Variants in MYRFL observed in about 807,000 individuals in gnomAD.
MYRFL encodes myelin regulatory factor-like protein.
MYRFL carries 88 observed loss-of-function variants against 109.4 expected under a neutral mutation model. That is an observed-to-expected ratio of 0.80 (90% confidence interval 0.68 to 0.96). MYRFL has a LOEUF of 0.96. Among genes scored for constraint, MYRFL ranks in the 40% least tolerant of loss-of-function variants. MYRFL has a pLI of 0.00. For missense variants in MYRFL, 957 were observed against 954.9 expected (o/e 1.00, Z -0.03); for synonymous variants, 324 against 320.9 (o/e 1.01, Z -0.10).
chr12:69,873,128 A>G (rs1440191690), intron 2 of MYRFL, among the ~76,000 whole-genome samples: 1 of 152,208 alleles, frequency 6.6e-6, no homozygotes. Context: ...ATAGAAGATT[A>G]ATTCTTACAG....
At chr12:69,948,176 T>A (rs978253116) in intron 19 of MYRFL, among the ~76,000 whole-genome samples, 2 of 152,186 alleles carry the variant, frequency 1.3e-5, no homozygotes, top group Non-Finnish European at 2.9e-5. Flanking sequence ...ATGGGTTTCT[T>A]ATAACCAGCC....
chr12:69,902,562 G>A (rs1399235398), intron 10 of MYRFL, among the ~76,000 whole-genome samples: 1 of 152,018 alleles, frequency 6.6e-6, no homozygotes, highest in Admixed American at 6.6e-5. Context: ...CACCAGAAAG[G>A]TAAAAAGTCA....
intron 9 of MYRFL, 116 bp from the exon 10 acceptor site, chr12:69,897,036 TTAAA>T (rs1954019172): frequency 8.3e-6 from 6 of 724,176 alleles, no homozygotes; most frequent in Non-Finnish European, 1.4e-5. Flanking sequence ...AAGGCAGTCT[TTAAA>T]TAAGCAAACT....
At chr12:69,936,892 A>T (rs116241136) in intron 19 of MYRFL, among the ~76,000 whole-genome samples, 1 of 152,368 alleles carries the variant, frequency 6.6e-6, no homozygotes, top group African/African-American at 2.4e-5. Flanking sequence ...ATTGCCAACA[A>T]GGATAGTAAT....
rs759537054 is a variant in MYRFL, at chr12:69,891,037, TG to T, written c.775del (p.Val259PhefsTer10). ...FNFSPADEAF[V>X]CQKKNHFQIT... ...ATTTTTCACCAGCAGATGAAGCTTT[TG>T]TTTGCCAAAAGAAGAATCATTTCCA... is the stretch of plus-strand genomic sequence containing the variant. On this transcript the variant is annotated frameshift_variant, in exon 7 of 25. Coordinates refer to ENST00000552032, the MANE Select transcript of MYRFL (RefSeq NM_182530.3). LOFTEE classifies it high-confidence loss of function. 6.5e-7 allele frequency: 1 copy of T among 1,535,300 alleles called. No individual in the cohort carries two copies.
At chr12:69,954,930 G>A (rs959515960) in intron 21 of MYRFL, among the ~76,000 whole-genome samples, 1 of 152,114 alleles carries the variant, frequency 6.6e-6, no homozygotes, top group Non-Finnish European at 1.5e-5. Flanking sequence ...TCCTCCTAGT[G>A]TTGCTCAAAA....
intron 1 of MYRFL, among the ~76,000 whole-genome samples, chr12:69,827,344 T>C (rs1882347511): frequency 6.8e-6 from 1 of 147,694 alleles, no homozygotes; most frequent in South Asian, 2.1e-4. Context: ...ATGATCTTAG[T>C]TTTTTTTTTT....
Position 69,862,917 on chromosome 12 carries a change from A to T in MYRFL, c.137+7547A>T, listed in dbSNP as rs1384095913. Among the ~76,000 whole-genome samples the T allele has an allele frequency of 7.9e-5, 12 of 152,174 alleles. No individual in the cohort carries two copies. The East Asian group carries it at 2.3e-3, about 29-fold the overall frequency. ...TAGATAGCTGTTATTATTTTGAGAT[A>T]GGTCCCATCAATACCTAATTTATTG... On this transcript the variant is annotated intron_variant, in intron 2 of 24. Transcript: ENST00000552032.
chr12:69,926,736 T>A lies in MYRFL; in HGVS notation c.1766+2T>A. ...AGCCAGTGAAGCAAGCACAATCAGG[T>A]ACGTGCAGCCAGGATTGCCATAGAA... On this transcript the variant is annotated splice_donor_variant, in intron 14 of 24. Coordinates refer to ENST00000552032, the MANE Select transcript of MYRFL (RefSeq NM_182530.3). LOFTEE classifies it high-confidence loss of function. The A allele has an allele frequency of 6.8e-7, 1 of 1,468,218 alleles. No individual in the cohort carries two copies. Among genetic ancestry groups the A allele is most frequent in the Non-Finnish European group, 9.0e-7 (1 of 1,110,562 alleles). The allele number at this position is 1,468,218 out of a possible 1,614,324, so 90.9% of individuals were successfully genotyped here.
chr12:69,918,421 AC>A (rs1458889305), intron 13 of MYRFL, among the ~76,000 whole-genome samples: 9 of 152,236 alleles, frequency 5.9e-5, no homozygotes, highest in Admixed American at 5.9e-4. Context: ...TGGGGCAAGC[AC>A]AGTGTCAAGT....
chr12:69,889,915 G>T (rs886646046), intron 6 of MYRFL, among the ~76,000 whole-genome samples: 5 of 151,978 alleles, frequency 3.3e-5, no homozygotes, highest in Admixed American at 2.0e-4. Context: ...GATTTGGGAT[G>T]CTCAATTTAT....
intron 19 of MYRFL, 84 bp downstream of exon 19, chr12:69,936,716 T>G: frequency 8.1e-7 from 1 of 1,241,354 alleles, no homozygotes; most frequent in Non-Finnish European, 1.1e-6. Context: ...TGGTCATTAA[T>G]GGTTCCAGAT....
At chr12:69,923,998 G>T (rs1166683040) in intron 13 of MYRFL, among the ~76,000 whole-genome samples, 1 of 151,918 alleles carries the variant, frequency 6.6e-6, no homozygotes, top group Non-Finnish European at 1.5e-5. Context: ...GACCATCCTG[G>T]CTAACACAGT....
chr12:69,832,088 G>A (rs185160832), intron 1 of MYRFL, among the ~76,000 whole-genome samples: 61 of 152,152 alleles, frequency 4.0e-4, no homozygotes, highest in African/African-American at 1.4e-3. Context: ...GACAGTGGTG[G>A]GTAAAACTAG....
rs1357669070 is a variant in MYRFL at position 69,938,391 on chromosome 12, C to A, written c.2224+1759C>A. ...GAATAGGAAGAGGTCGTAGACTGGT[C>A]CACTCTTCATTTTCAAGGGTTTCTT... On this transcript the variant is annotated intron_variant, in intron 19 of 24. Coordinates refer to ENST00000552032, the MANE Select transcript of MYRFL (RefSeq NM_182530.3). 2.6e-5 allele frequency among the ~76,000 whole-genome samples: 4 copies of A among 152,088 alleles called. No homozygotes were observed. In the East Asian group the frequency reaches 7.7e-4, roughly 29 times the overall value.
intron 2 of MYRFL, among the ~76,000 whole-genome samples, chr12:69,870,887 G>A (rs964006863): frequency 4.6e-5 from 7 of 152,174 alleles, no homozygotes; most frequent in Admixed American, 2.0e-4. Flanking sequence ...CTGCTGGATG[G>A]AGACTGCATT....
At chr12:69,943,195 A>G (rs1247189799) in intron 19 of MYRFL, among the ~76,000 whole-genome samples, 1 of 151,838 alleles carries the variant, frequency 6.6e-6, no homozygotes. Context: ...TAAAGTTCAT[A>G]TGGAACGAAA....
chr12:69,956,699 CTT>C (rs1956105520), intron 22 of MYRFL, among the ~76,000 whole-genome samples: 1 of 152,052 alleles, frequency 6.6e-6, no homozygotes. Context: ...TCTTCATACT[CTT>C]TTTTTCATCA....
chr12:69,864,238 T>C (rs764382144), intron 2 of MYRFL, among the ~76,000 whole-genome samples: 14 of 152,172 alleles, frequency 9.2e-5, no homozygotes, highest in Admixed American at 3.9e-4. Flanking sequence ...TTTATTTTTC[T>C]TTACCAGTGT....
Sources: gnomAD v4.1 joint callset for allele counts (sites outside exome capture counted in the v4.1 genomes callset) on GRCh38, gnomAD v4.1.1 for gene constraint, MANE v1.5 for transcripts, NCBI Gene and HGNC (gene_info 2026-07-23, HGNC 2026-07-21) for gene names.